ITGA9: variants seen among roughly 807,000 people sequenced by gnomAD.
ITGA9 encodes integrin subunit alpha 9.
In ITGA9, 56 loss-of-function variants were observed where a neutral mutation model predicts 127.8. The observed-to-expected ratio is 0.44, with a 90% CI of 0.35 to 0.55. The LOEUF is 0.55. Ranked by LOEUF, ITGA9 falls within the 20% of genes least tolerant of loss-of-function variation. The pLI is 0.00. For missense variants in ITGA9, 1,196 were observed against 1,347.1 expected, an observed-to-expected ratio of 0.89 and a Z score of 1.76; for synonymous variants, 508 against 514.5, an observed-to-expected ratio of 0.99 and a Z score of 0.17.
chr3:37,743,818 G>A, intron 21 of ITGA9, 108 bp from the exon 22 acceptor site: 3 of 813,614 alleles, frequency 3.7e-6, no homozygotes, highest in Admixed American at 3.7e-5. Context: ...AGCACTGGGT[G>A]CAAGACACTG....
intron 15 of ITGA9, among the ~76,000 whole-genome samples, chr3:37,555,648 A>T (rs11929124): frequency 0.033 from 4,961 of 152,354 alleles, 116 homozygotes; most frequent in Non-Finnish European, 0.051. Context: ...CCAAATGGAA[A>T]TACAAATAAT....
intron 15 of ITGA9, among the ~76,000 whole-genome samples, chr3:37,616,320 G>T (rs1249105569): frequency 6.6e-6 from 1 of 152,192 alleles, no homozygotes; most frequent in Non-Finnish European, 1.5e-5. Flanking sequence ...TTGCACTGTG[G>T]TCTGAGAGAC....
chr3:37,592,686 G>A (rs1190229693), intron 15 of ITGA9, among the ~76,000 whole-genome samples: 1 of 152,120 alleles, frequency 6.6e-6, no homozygotes, highest in Non-Finnish European at 1.5e-5. Flanking sequence ...AATATGTAGG[G>A]GGACGAAGCC....
intron 4 of ITGA9, among the ~76,000 whole-genome samples, chr3:37,487,128 G>C (rs1698617936): frequency 6.6e-6 from 1 of 152,112 alleles, no homozygotes; most frequent in Admixed American, 6.5e-5. Context: ...AGGCTAAGTT[G>C]ATCCATTTAA....
chr3:37,515,660 C>T (rs1698977146), intron 9 of ITGA9, among the ~76,000 whole-genome samples: 1 of 152,130 alleles, frequency 6.6e-6, no homozygotes, highest in East Asian at 1.9e-4. Flanking sequence ...TGTTTGAGCC[C>T]AGGAGGTGGA....
At chr3:37,519,186 C>T in intron 10 of ITGA9, 74 bp from the exon 11 acceptor site, 1 of 1,114,484 alleles carries the variant, frequency 9.0e-7, no homozygotes, top group South Asian at 1.3e-5. Context: ...TCAGACATGA[C>T]AACCAGAATT....
intron 15 of ITGA9, among the ~76,000 whole-genome samples, chr3:37,624,522 C>T (rs139126810): frequency 3.3e-5 from 5 of 152,274 alleles, no homozygotes; most frequent in East Asian, 1.9e-4. Context: ...CACTGCCACA[C>T]GGCAGCTACA....
intron 18 of ITGA9, among the ~76,000 whole-genome samples, chr3:37,687,748 A>G (rs1700795107): frequency 6.6e-6 from 1 of 152,226 alleles, no homozygotes; most frequent in African/African-American, 2.4e-5. Flanking sequence ...ACGTCAAAAT[A>G]AAGATATACT....
intron 3 of ITGA9, among the ~76,000 whole-genome samples, chr3:37,474,622 C>T (rs1183075227): frequency 6.6e-6 from 1 of 152,238 alleles, no homozygotes; most frequent in Non-Finnish European, 1.5e-5. Context: ...GTCAGTTCCT[C>T]TGCCCTTGGT....
At chr3:37,478,951 G>A (rs1170448051) in intron 3 of ITGA9, among the ~76,000 whole-genome samples, 1 of 152,142 alleles carries the variant, frequency 6.6e-6, no homozygotes, top group African/African-American at 2.4e-5. Flanking sequence ...GTACAGCAAA[G>A]CCTTCCTATA....
At chr3:37,562,488 C>T (rs1699503355) in intron 15 of ITGA9, among the ~76,000 whole-genome samples, 1 of 152,168 alleles carries the variant, frequency 6.6e-6, no homozygotes, top group South Asian at 2.1e-4. Flanking sequence ...CCCGAAAGAT[C>T]AGGGAAAATA....
At chr3:37,747,943 C>T (rs982549683) in intron 22 of ITGA9, among the ~76,000 whole-genome samples, 6 of 152,022 alleles carry the variant, frequency 3.9e-5, no homozygotes, top group African/African-American at 9.7e-5. Context: ...GGTTTCACCA[C>T]GTTGCCCAGC....
At chr3:37,616,228 T>C (rs1700073112) in intron 15 of ITGA9, among the ~76,000 whole-genome samples, 1 of 152,222 alleles carries the variant, frequency 6.6e-6, no homozygotes, top group Non-Finnish European at 1.5e-5. Context: ...ATGTACCCAG[T>C]AGTCATTCAG....
intron 1 of ITGA9, among the ~76,000 whole-genome samples, chr3:37,462,298 C>T (rs1000192317): frequency 2.0e-5 from 3 of 152,228 alleles, no homozygotes; most frequent in Admixed American, 2.0e-4. Flanking sequence ...CTGCTTTTCC[C>T]AGTTGGGCAT....
chr3:37,601,023 T>A (rs928299932), intron 15 of ITGA9, among the ~76,000 whole-genome samples: 1 of 152,218 alleles, frequency 6.6e-6, no homozygotes, highest in Non-Finnish European at 1.5e-5. Flanking sequence ...GTCACGTGGC[T>A]GTGGAAGGGA....
At chr3:37,557,542 A>G (rs1699442885) in intron 15 of ITGA9, among the ~76,000 whole-genome samples, 2 of 152,140 alleles carry the variant, frequency 1.3e-5, no homozygotes, top group African/African-American at 4.8e-5. Context: ...CCAATGGTGG[A>G]TGAATAGTTT....
At chr3:37,693,288 C>T (rs182287087) in intron 18 of ITGA9, among the ~76,000 whole-genome samples, 164 of 152,156 alleles carry the variant, frequency 1.1e-3, no homozygotes, top group Non-Finnish European at 1.4e-3. Context: ...TGATGATGTT[C>T]GAAGGGAAGC....
At chr3:37,665,156 G>A (rs969178520) in intron 17 of ITGA9, among the ~76,000 whole-genome samples, 1 of 151,404 alleles carries the variant, frequency 6.6e-6, no homozygotes, top group Non-Finnish European at 1.5e-5. Flanking sequence ...TATTTTTTTA[G>A]TAGAGATGGG....
intron 13 of ITGA9, among the ~76,000 whole-genome samples, chr3:37,526,950 A>C (rs1372373487): frequency 6.6e-6 from 1 of 152,188 alleles, no homozygotes; most frequent in Non-Finnish European, 1.5e-5. Flanking sequence ...TTCTAAGGGA[A>C]CCAGCTTGCC....
Sources: gnomAD v4.1 joint callset for allele counts (sites outside exome capture counted in the v4.1 genomes callset) on GRCh38, gnomAD v4.1.1 for gene constraint, MANE v1.5 for transcripts, NCBI Gene and HGNC (gene_info 2026-07-23, HGNC 2026-07-21) for gene names.